Variants in YAP1 observed in about 807,000 individuals in gnomAD.
YAP1 encodes Yes1 associated transcriptional regulator.
Under a neutral mutation model 56.9 loss-of-function variants are expected in YAP1, and 5 were observed. That is an observed-to-expected ratio of 0.09 (90% confidence interval 0.05 to 0.18). YAP1 has a LOEUF of 0.18. Among genes scored for constraint, YAP1 ranks in the 10% least tolerant of loss-of-function variants. YAP1 has a pLI of 1.00. For missense variants in YAP1, 539 were observed against 651.8 expected, an observed-to-expected ratio of 0.83 and a Z score of 1.88; for synonymous variants, 265 against 248.1, an observed-to-expected ratio of 1.07 and a Z score of -0.64.
At position 102,111,033 on chromosome 11, in the gene YAP1, A is replaced by G; in HGVS notation, c.185A>G (p.Glu62Gly). Reference sequence around the variant, plus strand: ...ATCGTGCACGTCCGCGGGGACTCGGAGACCGACCTGGAGGCGCTCTTCAAC... The same window carrying G: ...ATCGTGCACGTCCGCGGGGACTCGGGGACCGACCTGGAGGCGCTCTTCAAC... ...HQIVHVRGDS[E>G]TDLEALFNAV... Residue 62 changes from glutamate (E) to glycine (G), a missense_variant, in exon 1 of 9, where the codon GAG becomes GGG. Glu to Gly is a moderately conservative substitution (Grantham distance 98, BLOSUM62 -2). This residue lies in a region of YAP1 where 7 missense variants were observed against 21.6 expected (regional missense o/e 0.32). Coordinates refer to ENST00000282441, the MANE Select transcript of YAP1 (RefSeq NM_001130145.3). 6.2e-7 allele frequency: 1 copy of G among 1,611,324 alleles called. No homozygotes were observed. Among genetic ancestry groups the G allele is most frequent in the Non-Finnish European group, 8.5e-7 (1 of 1,179,082 alleles).
intron 6 of YAP1, among the ~76,000 whole-genome samples, chr11:102,220,669 A>C (rs185465196): frequency 2.6e-5 from 4 of 152,264 alleles, no homozygotes; most frequent in Non-Finnish European, 5.9e-5. Context: ...GGAGTCTCTG[A>C]GGTTGGAGGG....
chr11:102,158,959 A>T (rs1946112856), intron 2 of YAP1, among the ~76,000 whole-genome samples: 1 of 152,196 alleles, frequency 6.6e-6, no homozygotes, highest in African/African-American at 2.4e-5. Context: ...AATATTGTTT[A>T]TTCTTTGCTT....
At chr11:102,226,448 T>C (rs1950200559) in intron 7 of YAP1, among the ~76,000 whole-genome samples, 1 of 152,200 alleles carries the variant, frequency 6.6e-6, no homozygotes, top group South Asian at 2.1e-4. Flanking sequence ...TTTATGTAAG[T>C]TAAATAGCTG....
At chr11:102,142,520 G>A (rs181032999) in intron 2 of YAP1, among the ~76,000 whole-genome samples, 6 of 152,318 alleles carry the variant, frequency 3.9e-5, no homozygotes, top group Admixed American at 1.3e-4. Flanking sequence ...AAAAAGGGCC[G>A]TCTTCAGCCT....
At chr11:102,156,818 T>A (rs972719175) in intron 2 of YAP1, among the ~76,000 whole-genome samples, 2 of 152,216 alleles carry the variant, frequency 1.3e-5, no homozygotes, top group African/African-American at 4.8e-5. Context: ...TTGGCATTAT[T>A]CTCATGGCTG....
chr11:102,146,787 G>T (rs957958792), intron 2 of YAP1, among the ~76,000 whole-genome samples: 6 of 152,138 alleles, frequency 3.9e-5, no homozygotes, highest in Non-Finnish European at 8.8e-5. Flanking sequence ...TTCTGTGCTT[G>T]CCTTGCTTCT....
At chr11:102,121,052 G>A (rs1019141784) in intron 2 of YAP1, among the ~76,000 whole-genome samples, 2 of 152,024 alleles carry the variant, frequency 1.3e-5, no homozygotes, top group Non-Finnish European at 2.9e-5. Flanking sequence ...TTCATGTGCG[G>A]TAGTCCCTCC....
chr11:102,121,290 A>G (rs1264003630), intron 2 of YAP1, among the ~76,000 whole-genome samples: 1 of 152,106 alleles, frequency 6.6e-6, no homozygotes, highest in Non-Finnish European at 1.5e-5. Flanking sequence ...ATACAAAAAA[A>G]TTAGCCGAGC....
chr11:102,134,940 G>A (rs1052159188), intron 2 of YAP1, among the ~76,000 whole-genome samples: 16 of 152,050 alleles, frequency 1.1e-4, no homozygotes, highest in African/African-American at 3.6e-4. Context: ...GTGCAGTGGC[G>A]CAGCCTCAGC....
intron 2 of YAP1, among the ~76,000 whole-genome samples, chr11:102,142,578 A>G (rs1160018773): frequency 6.6e-6 from 1 of 152,262 alleles, no homozygotes; most frequent in Non-Finnish European, 1.5e-5. Flanking sequence ...GCATAGCCAG[A>G]CACTTTCCAT....
chr11:102,228,634 C>CAAAAAAAAAAAAAAAAAAAAAAAAAAA lies in YAP1; in HGVS notation c.1276+1054_1277-1041dup, dbSNP rs71059544. Reference sequence around the variant, plus strand: ...TGGGTGACAGAGCAAGACTCCGTCTCAAAAAAAAAAAAAAAAAAAAAAAAA... The same window carrying CAAAAAAAAAAAAAAAAAAAAAAAAAAA: ...TGGGTGACAGAGCAAGACTCCGTCTCAAAAAAAAAAAAAAAAAAAAAAAAAAAAAAAAAAAAAAAAAAAAAAAAAAAA... On this transcript the variant is annotated intron_variant, in intron 8 of 8. Coordinates refer to ENST00000282441, the MANE Select transcript of YAP1 (RefSeq NM_001130145.3). 1.0e-3 allele frequency among the ~76,000 whole-genome samples: 33 copies of CAAAAAAAAAAAAAAAAAAAAAAAAAAA among 31,644 alleles called. 5 individuals carry two copies. The highest frequency in any genetic ancestry group is 2.1e-3 in the Non-Finnish European group (28 of 13,126). The allele number at this position is 31,644 out of a possible 152,430, so 20.8% of individuals were successfully genotyped here.
At chr11:102,167,007 CT>C (rs780340530) in intron 3 of YAP1, among the ~76,000 whole-genome samples, 11 of 152,106 alleles carry the variant, frequency 7.2e-5, no homozygotes, top group Non-Finnish European at 7.4e-5. Context: ...TTCTAATTGG[CT>C]TTAGCAAAAA....
intron 4 of YAP1, among the ~76,000 whole-genome samples, chr11:102,194,391 CA>C (rs1948465923): frequency 6.6e-6 from 1 of 152,174 alleles, no homozygotes; most frequent in Non-Finnish European, 1.5e-5. Context: ...TTGCTAAGGT[CA>C]TTTTAGAACT....
chr11:102,130,720 C>CTTT (rs61175592), intron 2 of YAP1, among the ~76,000 whole-genome samples: 2,492 of 97,858 alleles, frequency 0.025, 87 homozygotes, highest in African/African-American at 0.058. Flanking sequence ...GATAACTACT[C>CTTT]TTTTTTTTTT....
At chr11:102,124,021 G>T (rs934158160) in intron 2 of YAP1, among the ~76,000 whole-genome samples, 1 of 150,658 alleles carries the variant, frequency 6.6e-6, no homozygotes, top group South Asian at 2.1e-4. Context: ...GTGTGATCTC[G>T]GCTCATCGCA....
intron 2 of YAP1, among the ~76,000 whole-genome samples, chr11:102,157,273 TATACAA>T (rs1204081519): frequency 6.6e-6 from 1 of 152,220 alleles, no homozygotes; most frequent in Non-Finnish European, 1.5e-5. Flanking sequence ...ACCATGGACA[TATACAA>T]ATATAAAAAG....
At chr11:102,113,389 A>G (rs1441331787) in intron 1 of YAP1, among the ~76,000 whole-genome samples, 2 of 152,254 alleles carry the variant, frequency 1.3e-5, no homozygotes, top group African/African-American at 4.8e-5. Context: ...TCAGTGTCAC[A>G]CTAGCCAACT....
Position 102,129,763 on chromosome 11 carries a change from A to G in YAP1, c.572+15369A>G, listed in dbSNP as rs1439472131. Among the ~76,000 whole-genome samples, 4 of 150,414 alleles carry G rather than the reference A, an allele frequency of 2.7e-5. No homozygotes were observed. In the East Asian group the frequency reaches 7.8e-4, roughly 29 times the overall value. ...TTGTTTAGGTAAAAAGTGATTACAT[A>G]GGAAAATCTGTTGGGTGAAAAGGAA... On this transcript the variant is annotated intron_variant, in intron 2 of 8. Coordinates refer to ENST00000282441, the MANE Select transcript of YAP1 (RefSeq NM_001130145.3).
chr11:102,204,792 C>T (rs1358763717), intron 4 of YAP1, among the ~76,000 whole-genome samples: 1 of 152,136 alleles, frequency 6.6e-6, no homozygotes, highest in Non-Finnish European at 1.5e-5. Context: ...TGTATGGTAT[C>T]AAGGTTATGC....
Sources: allele counts gnomAD v4.1 joint callset (sites outside exome capture counted in the v4.1 genomes callset), GRCh38; gene constraint gnomAD v4.1.1; regional missense constraint gnomAD v4.1.1; transcripts MANE v1.5; gene names NCBI Gene and HGNC (gene_info 2026-07-23, HGNC 2026-07-21).